The following OPA3 variants were observed in gnomAD, a reference collection of about 807,000 sequenced individuals.
The protein encoded by OPA3 is optic atrophy 3 protein.
Under a neutral mutation model 4.0 loss-of-function variants are expected in OPA3, and 6 were observed. That is an observed-to-expected ratio of 1.51 (90% confidence interval 0.83 to 2.99). The LOEUF is 2.99. Ranked by LOEUF, OPA3 falls within the 30% of genes most tolerant of loss-of-function variation. OPA3 has a pLI of 0.00. For missense variants in OPA3, 235 were observed against 256.2 expected, an observed-to-expected ratio of 0.92 and a Z score of 0.56; for synonymous variants, 105 against 117.1, an observed-to-expected ratio of 0.90 and a Z score of 0.67.
intron 1 of OPA3, among the ~76,000 whole-genome samples, chr19:45,562,526 T>C (rs147555396): frequency 0.21 from 20,523 of 96,886 alleles, 1,681 homozygotes; most frequent in East Asian, 0.41. Flanking sequence ...CTGTCTCTAC[T>C]AAAAAAAAAA....
intron 1 of OPA3, among the ~76,000 whole-genome samples, chr19:45,566,142 T>G (rs1158815935): frequency 6.6e-6 from 1 of 152,132 alleles, no homozygotes; most frequent in East Asian, 1.9e-4. Context: ...TTAATATTCT[T>G]TTTTTTATTA....
intron 1 of OPA3, among the ~76,000 whole-genome samples, chr19:45,559,215 T>C (rs1372048348): frequency 6.6e-6 from 1 of 151,830 alleles, no homozygotes; most frequent in African/African-American, 2.4e-5. Context: ...TCTTAACCTA[T>C]AATTTTCCTT....
downstream of OPA3, among the ~76,000 whole-genome samples, chr19:45,543,444 C>T (rs981310497): frequency 9.9e-5 from 15 of 151,974 alleles, 1 homozygote; most frequent in Admixed American, 5.3e-4. Context: ...CCTCAGCCCC[C>T]GGAGTACCTG....
chr19:45,566,274 C>G (rs893726310), intron 1 of OPA3, among the ~76,000 whole-genome samples: 1 of 151,462 alleles, frequency 6.6e-6, no homozygotes, highest in Admixed American at 6.6e-5. Context: ...CTCAGCCTCC[C>G]GAGTATCTGG....
chr19:45,553,244 G>A lies in OPA3; in HGVS notation c.*270C>T. On this transcript the variant is annotated 3_prime_UTR_variant, in exon 2 of 2. Transcript: ENST00000263275. ...TTTTTCATTTGCCAGAGTGCCCACG[G>A]TGTCCTGCTGGCTGGGACCTTGCAG... 3 of 1,412,386 alleles carry A rather than the reference G, an allele frequency of 2.1e-6. No individual in the cohort carries two copies. Among genetic ancestry groups the A allele is most frequent in the Non-Finnish European group, 2.8e-6 (3 of 1,085,820 alleles). 87.5% of individuals were successfully genotyped at this position (1,412,386 alleles called of 1,614,324 possible). A position where few individuals can be genotyped will look rare whatever the true frequency, so the allele number is the denominator to read the frequency against.
chr19:45,559,433 G>A (rs1177230832), intron 1 of OPA3, among the ~76,000 whole-genome samples: 5 of 102,354 alleles, frequency 4.9e-5, no homozygotes, highest in African/African-American at 1.9e-4. Flanking sequence ...ATGGAGTCTC[G>A]CCATGCTGTC....
intron 1 of OPA3, among the ~76,000 whole-genome samples, chr19:45,583,388 G>A (rs1410824234): frequency 1.3e-5 from 2 of 151,878 alleles, no homozygotes; most frequent in African/African-American, 4.8e-5. Context: ...TTCTGACCTC[G>A]TGATCTGCCC....
At chr19:45,556,653 C>A (rs1232556489) in intron 1 of OPA3, among the ~76,000 whole-genome samples, 4 of 152,206 alleles carry the variant, frequency 2.6e-5, no homozygotes, top group Non-Finnish European at 4.4e-5. Context: ...CCACTGAGCC[C>A]AGCCACTACA....
Position 45,549,686 on chromosome 19 carries a change from G to C in OPA3, c.*3828C>G, listed in dbSNP as rs71352273. The C allele has an allele frequency of 1.1e-6, 1 of 921,230 alleles. No individual in the cohort carries two copies. The highest frequency in any genetic ancestry group is 1.3e-6 in the Non-Finnish European group (1 of 771,582). 57.1% of individuals were successfully genotyped at this position (921,230 alleles called of 1,614,324 possible). ...GTAGAGACGGGGTTTTGCCATGTTG[G>C]CCAGGCTGGTCTCGATCTCCTAACA... On this transcript the variant is annotated 3_prime_UTR_variant, in exon 2 of 2. Transcript: ENST00000263275.
At position 45,553,433 on chromosome 19, in the gene OPA3, G is replaced by C. The variant is rs1233471749; in HGVS notation, c.*81C>G. ...GATCCTGGTGGTTTCCACTGGGCCA[G>C]CGCAGGCAAGGGTGGTGCGGGAAGA... is the stretch of plus-strand genomic sequence containing the variant. On this transcript the variant is annotated 3_prime_UTR_variant, in exon 2 of 2. Transcript: ENST00000263275. 19 of 1,601,454 alleles carry C rather than the reference G, an allele frequency of 1.2e-5. No individual in the cohort carries two copies. In the South Asian group the frequency reaches 2.1e-4, roughly 18 times the overall value.
intron 1 of OPA3, among the ~76,000 whole-genome samples, chr19:45,561,324 A>C (rs1969499120): frequency 6.6e-6 from 1 of 151,836 alleles, no homozygotes; most frequent in African/African-American, 2.4e-5. Flanking sequence ...CAAGAGCAAA[A>C]CTCCATCTCA....
At position 45,575,054 on chromosome 19, in the gene OPA3, C is replaced by T. The variant is rs1969746975; in HGVS notation, c.142+9569G>A. Among the ~76,000 whole-genome samples the T allele has an allele frequency of 3.9e-5, 6 of 152,244 alleles. No individual in the cohort carries two copies. The South Asian group carries it at 1.2e-3, about 32-fold the overall frequency. On this transcript the variant is annotated intron_variant, in intron 1 of 1. Coordinates refer to ENST00000263275, the MANE Select transcript of OPA3 (RefSeq NM_025136.4). Reference sequence around the variant, plus strand: ...CCAGCAAAAGAACTGTCCGGCTGAGCCCAGGCAAGCCACAAAGGTAACAGA... The same window carrying T: ...CCAGCAAAAGAACTGTCCGGCTGAGTCCAGGCAAGCCACAAAGGTAACAGA...
intron 1 of OPA3, among the ~76,000 whole-genome samples, chr19:45,568,484 C>T (rs1393069287): frequency 6.6e-6 from 1 of 152,050 alleles, no homozygotes; most frequent in Non-Finnish European, 1.5e-5. Context: ...GCCACTGTGC[C>T]CCCGCCCAAT....
chr19:45,544,388 G>A (rs1021908063), downstream of OPA3, among the ~76,000 whole-genome samples: 4 of 152,068 alleles, frequency 2.6e-5, no homozygotes, highest in Admixed American at 6.6e-5. Flanking sequence ...GGCGGGGCAC[G>A]GTGGCTCACG....
intron 1 of OPA3, among the ~76,000 whole-genome samples, chr19:45,559,485 T>C (rs1167775668): frequency 7.9e-6 from 1 of 127,216 alleles, no homozygotes; most frequent in East Asian, 2.8e-4. Flanking sequence ...CACTGCAACC[T>C]CCGCTTCCCG....
intron 1 of OPA3, among the ~76,000 whole-genome samples, chr19:45,577,245 T>G (rs1437984068): frequency 6.6e-6 from 1 of 152,204 alleles, no homozygotes; most frequent in Admixed American, 6.5e-5. Flanking sequence ...CAGCTACTGC[T>G]CCAGCCTCTC....
intron 1 of OPA3, among the ~76,000 whole-genome samples, chr19:45,538,093 T>C (rs2122389687): frequency 3.3e-5 from 3 of 91,152 alleles, no homozygotes; most frequent in Admixed American, 1.6e-4. Context: ...AGAGCTAGGC[T>C]CCATATCAAA....
intron 1 of OPA3, among the ~76,000 whole-genome samples, chr19:45,535,762 C>T (rs373353303): frequency 4.2e-4 from 52 of 122,888 alleles, no homozygotes; most frequent in Middle Eastern, 5.0e-3. Context: ...TTTTTCTTTT[C>T]TTTTTTTTTT....
Position 45,547,305 on chromosome 19 carries a change from C to G in OPA3, c.*6209G>C, listed in dbSNP as rs546349839. The G allele has an allele frequency of 1.3e-5, 2 of 152,304 alleles. No individual in the cohort carries two copies. Among genetic ancestry groups the G allele is most frequent in the East Asian group, 1.9e-4 (1 of 5,186 alleles). 9.4% of individuals were successfully genotyped at this position (152,304 alleles called of 1,614,324 possible). ...TTTTTCTGTAAAGGGCCAGAGAGTA[C>G]GAGAGCCCTAGGATCTCTGTGCAAA... On this transcript the variant is annotated 3_prime_UTR_variant, in exon 2 of 2. Coordinates refer to ENST00000263275, the MANE Select transcript of OPA3 (RefSeq NM_025136.4).
Sources: gnomAD v4.1 joint callset for allele counts (sites outside exome capture counted in the v4.1 genomes callset) on GRCh38, gnomAD v4.1.1 for gene constraint, MANE v1.5 for transcripts, NCBI Gene and HGNC (gene_info 2026-07-23, HGNC 2026-07-21) for gene names.